Variants in PPP3CA observed in about 807,000 individuals in gnomAD.
PPP3CA encodes CAM-PRP catalytic subunit.
Under a neutral mutation model 66.5 loss-of-function variants are expected in PPP3CA, and 14 were observed. The ratio of observed to expected loss-of-function variants is 0.21; its 90% confidence interval spans 0.14 to 0.33. The LOEUF is 0.33. Among genes scored for constraint, PPP3CA ranks in the 10% least tolerant of loss-of-function variants. The probability of loss-of-function intolerance (pLI) is 1.00; values close to 1 mark genes in which losing one functional copy is unlikely to be tolerated. For synonymous variants in PPP3CA, 232 were observed against 226.2 expected, an observed-to-expected ratio of 1.03 and a Z score of -0.23; for missense variants, 317 against 639.5, an observed-to-expected ratio of 0.50 and a Z score of 5.44.
intron 1 of PPP3CA, among the ~76,000 whole-genome samples, chr4:101,290,273 T>G (rs774554298): frequency 6.6e-6 from 1 of 152,228 alleles, no homozygotes; most frequent in Non-Finnish European, 1.5e-5. Context: ...TATCTCCAGT[T>G]TGACTTTATC....
At chr4:101,041,576 C>A (rs1727523761) in intron 10 of PPP3CA, among the ~76,000 whole-genome samples, 1 of 151,556 alleles carries the variant, frequency 6.6e-6, no homozygotes. Context: ...CTGGCACAGG[C>A]ATGTGCCACC....
intron 3 of PPP3CA, among the ~76,000 whole-genome samples, chr4:101,104,605 C>T (rs969962937): frequency 2.6e-5 from 4 of 152,074 alleles, no homozygotes; most frequent in South Asian, 4.2e-4. Flanking sequence ...ATAAAAGGAA[C>T]GTATTTACAT....
chr4:101,333,976 T>C (rs897510420), intron 1 of PPP3CA, among the ~76,000 whole-genome samples: 2 of 152,174 alleles, frequency 1.3e-5, no homozygotes, highest in African/African-American at 4.8e-5. Flanking sequence ...CAGTGGGCAC[T>C]AAAAGTCTGA....
At chr4:101,112,163 A>G (rs1721694878) in intron 2 of PPP3CA, among the ~76,000 whole-genome samples, 1 of 152,142 alleles carries the variant, frequency 6.6e-6, no homozygotes, top group African/African-American at 2.4e-5. Context: ...CTAACATACA[A>G]CTGAAGCATA....
chr4:101,135,896 G>A (rs1467905468), intron 2 of PPP3CA, among the ~76,000 whole-genome samples: 1 of 152,088 alleles, frequency 6.6e-6, no homozygotes, highest in Non-Finnish European at 1.5e-5. Flanking sequence ...CTTGAACTCT[G>A]GTTCAAATGG....
intron 1 of PPP3CA, among the ~76,000 whole-genome samples, chr4:101,290,282 T>C (rs1237955886): frequency 6.6e-6 from 1 of 152,242 alleles, no homozygotes; most frequent in Admixed American, 6.5e-5. Flanking sequence ...TTTGACTTTA[T>C]CTGGTGCAGT....
chr4:101,129,443 C>T (rs1374309587), intron 2 of PPP3CA, among the ~76,000 whole-genome samples: 1 of 152,190 alleles, frequency 6.6e-6, no homozygotes, highest in Non-Finnish European at 1.5e-5. Flanking sequence ...CCCCGTGCCT[C>T]ATCACTGGGA....
chr4:101,057,639 A>C (rs968217985), intron 10 of PPP3CA, among the ~76,000 whole-genome samples: 2 of 152,204 alleles, frequency 1.3e-5, no homozygotes, highest in East Asian at 3.9e-4. Flanking sequence ...GGCATTCAGC[A>C]TTCTCCTATT....
chr4:101,172,083 G>C (rs1356371888), intron 2 of PPP3CA, among the ~76,000 whole-genome samples: 1 of 152,088 alleles, frequency 6.6e-6, no homozygotes, highest in Non-Finnish European at 1.5e-5. Flanking sequence ...GAGAGCAGTG[G>C]GAGAAAGGAA....
intron 1 of PPP3CA, among the ~76,000 whole-genome samples, chr4:101,270,824 A>G (rs1727315209): frequency 6.6e-6 from 1 of 152,190 alleles, no homozygotes; most frequent in Non-Finnish European, 1.5e-5. Context: ...TCATTGCCTA[A>G]AAGTCCTTTT....
intron 3 of PPP3CA, among the ~76,000 whole-genome samples, chr4:101,100,387 G>T (rs79160277): frequency 0.052 from 7,968 of 152,110 alleles, 753 homozygotes; most frequent in African/African-American, 0.18. Flanking sequence ...TTTACAAAGA[G>T]AAGTGACCTT....
At chr4:101,111,067 T>C (rs1207761258) in intron 2 of PPP3CA, among the ~76,000 whole-genome samples, 2 of 152,284 alleles carry the variant, frequency 1.3e-5, no homozygotes, top group Middle Eastern at 3.4e-3. Flanking sequence ...CAAGTAATAA[T>C]ATAATTACTC....
chr4:101,234,285 T>C (rs867288889), intron 1 of PPP3CA, among the ~76,000 whole-genome samples: 1 of 151,848 alleles, frequency 6.6e-6, no homozygotes, highest in Non-Finnish European at 1.5e-5. Flanking sequence ...GGTCAAACAG[T>C]AGTCCTCTTT....
chr4:101,317,662 C>CT (rs1031237977), intron 1 of PPP3CA, among the ~76,000 whole-genome samples: 2 of 152,168 alleles, frequency 1.3e-5, no homozygotes, highest in Non-Finnish European at 2.9e-5. Flanking sequence ...TATTTTTCCA[C>CT]TTTTTTCAAA....
chr4:101,062,846 T>C (rs1728528710), intron 9 of PPP3CA, among the ~76,000 whole-genome samples: 3 of 152,000 alleles, frequency 2.0e-5, no homozygotes, highest in Non-Finnish European at 4.4e-5. Context: ...ATCCTAATCT[T>C]TTAATTTGGC....
intron 1 of PPP3CA, among the ~76,000 whole-genome samples, chr4:101,289,084 T>G (rs1727938447): frequency 6.6e-6 from 1 of 152,214 alleles, no homozygotes; most frequent in South Asian, 2.1e-4. Context: ...CTGCTATCTT[T>G]TATAAACCCA....
In PPP3CA at chr4:101,063,290, G is replaced by A. The variant is rs1728551471; in HGVS notation, c.1023C>T (p.Tyr341=). The change falls in exon 9 of 14, where the codon TAC becomes TAT. Residue 341 remains tyrosine, a synonymous_variant. Transcript: ENST00000394854. ...AAACATCCATGAAATTTGGAAGCCA[G>A]TATGGATGAGGAGAACAGTTGAATT... ...IRQFNCSPHP[Y]WLPNFMDVFT... 6.2e-7 allele frequency: 1 copy of A among 1,611,428 alleles called. No individual in the cohort carries two copies. The highest frequency in any genetic ancestry group is 1.3e-5 in the African/African-American group (1 of 74,786).
chr4:101,052,126 C>A (rs1728037995), intron 10 of PPP3CA, among the ~76,000 whole-genome samples: 1 of 151,782 alleles, frequency 6.6e-6, no homozygotes. Flanking sequence ...CATAGTAGTA[C>A]AATATGAAGA....
At chr4:101,336,065 A>C (rs1729624042) in intron 1 of PPP3CA, among the ~76,000 whole-genome samples, 1 of 151,772 alleles carries the variant, frequency 6.6e-6, no homozygotes, top group African/African-American at 2.4e-5. Flanking sequence ...ACACACAAAA[A>C]TTAGCCAGGC....
Sources: gnomAD v4.1 joint callset for allele counts (sites outside exome capture counted in the v4.1 genomes callset) on GRCh38, gnomAD v4.1.1 for gene constraint, MANE v1.5 for transcripts, NCBI Gene and HGNC (gene_info 2026-07-23, HGNC 2026-07-21) for gene names.